Variants in SLC25A5 observed in about 807,000 individuals in gnomAD.
The protein encoded by SLC25A5 is solute carrier family 25 member 5.
In SLC25A5, 4 loss-of-function variants were observed where a neutral mutation model predicts 16.5. The observed-to-expected ratio is 0.24, with a 90% CI of 0.12 to 0.56. The LOEUF is 0.56. SLC25A5 is among the 20% of genes least tolerant of loss of function. The pLI is 0.93. For missense variants in SLC25A5, 88 were observed against 248.0 expected (o/e 0.35, Z 4.33); for synonymous variants, 60 against 95.2 (o/e 0.63, Z 2.15).
intron 2 of SLC25A5, 43 bp downstream of exon 2, chrX:119,470,190 G>A: frequency 3.5e-6 from 4 of 1,157,626 alleles, no homozygotes; most frequent in Non-Finnish European, 4.6e-6. Context: ...TTAGGAGACA[G>A]TTTAAAAGAG....
At chrX:119,470,245 T>C in intron 2 of SLC25A5, 98 bp downstream of exon 2, 1 of 1,126,771 alleles carries the variant, frequency 8.9e-7, no homozygotes, top group South Asian at 2.1e-5. Flanking sequence ...GTTGTTTTTT[T>C]AATTGCTAAA....
chrX:119,471,055 A>C lies in SLC25A5; in HGVS notation c.894A>C (p.Thr298=), dbSNP rs138394896. 2.7e-4 allele frequency: 331 copies of C among 1,206,301 alleles called. 1 individual carries two copies. The African/African-American group carries it at 4.3e-3, about 16-fold the overall frequency. Residue 298 remains threonine (T), a synonymous_variant, in exon 4 of 4, where the codon ACA becomes ACC. Transcript: ENST00000317881. The part of the protein sequence containing the change: ...LVLYDEIKKY[T] ...TGTATGATGAAATCAAGAAGTACAC[A>C]TAAGTTATTTCCTAGGATTTTTCCC...
intron 1 of SLC25A5, 76 bp from the exon 2 acceptor site, chrX:119,469,585 C>T: frequency 9.2e-7 from 1 of 1,086,698 alleles, no homozygotes; most frequent in Non-Finnish European, 1.2e-6. Flanking sequence ...GGGCATTGAT[C>T]GAGATGGCAT....
At position 119,470,882 on chromosome X, in the gene SLC25A5, A is replaced by C; in HGVS notation, c.740-19A>C. ...TCATCGGCCTTCAGTCACTAACTCCATGTCTTTATTCTTTGCAGCTGACAT... is the reference window on the plus strand; with the variant it reads ...TCATCGGCCTTCAGTCACTAACTCCCTGTCTTTATTCTTTGCAGCTGACAT... On this transcript the variant is annotated intron_variant, in intron 3 of 3. Transcript: ENST00000317881. 1 of 1,198,443 alleles carries C rather than the reference A, an allele frequency of 8.3e-7. No individual in the cohort carries two copies. Among genetic ancestry groups the C allele is most frequent in the Non-Finnish European group, 1.1e-6 (1 of 888,995 alleles).
intron 1 of SLC25A5, 135 bp downstream of exon 1, chrX:119,468,761 G>A (rs955780186): frequency 1.9e-6 from 1 of 527,972 alleles, no homozygotes; most frequent in African/African-American, 2.3e-5. Flanking sequence ...CCAGAGCGGG[G>A]CGCAGAGGCA....
chrX:119,470,790 G>T, intron 3 of SLC25A5, 111 bp from the exon 4 acceptor site: 1 of 859,371 alleles, frequency 1.2e-6, no homozygotes, highest in South Asian at 2.6e-5. Context: ...TGTGAATGTT[G>T]GATTTAAAGC....
intron 1 of SLC25A5, chrX:119,468,930 T>G: frequency 1.4e-5 from 4 of 293,265 alleles, no homozygotes; most frequent in Non-Finnish European, 2.4e-5. Context: ...GGCCTGGGCG[T>G]CAAGGGCGAA....
Position 119,470,117 on chromosome X carries a change from G to T in SLC25A5, c.568G>T (p.Ala190Ser), listed in dbSNP as rs780023492. The T allele has an allele frequency of 2.5e-6, 3 of 1,204,580 alleles. No individual in the cohort carries two copies. Among genetic ancestry groups the T allele is most frequent in the Non-Finnish European group, 3.4e-6 (3 of 891,781 alleles). The change falls in exon 2 of 4, where the codon GCC (alanine) becomes TCC (serine). Residue 190 changes from alanine (A) to serine (S), a missense_variant. Ala to Ser is a moderately conservative substitution (Grantham distance 99). Transcript: ENST00000317881. The stretch of plus-strand genomic sequence containing the variant: ...GCAGGGTATTATCATCTACCGAGCC[G>T]CCTACTTCGGTATCTATGACACTGC... Reference protein sequence around the residue: ...SVQGIIIYRAAYFGIYDTAKG... With the variant: ...SVQGIIIYRASYFGIYDTAKG...
chrX:119,469,642 C>T lies in SLC25A5; in HGVS notation c.112-19C>T, dbSNP rs773327441. ...CCATGGTTATAACTGTCCCTGTTGG[C>T]TTCCTTCCTGTCTGTTAGGTGCAGC... is the stretch of plus-strand genomic sequence containing the variant. On this transcript the variant is annotated intron_variant, in intron 1 of 3. Transcript: ENST00000317881. The T allele has an allele frequency of 7.1e-5, 72 of 1,018,667 alleles. No individual in the cohort carries two copies. In the South Asian group the frequency reaches 1.9e-3, roughly 27 times the overall value. The allele number at this position is 1,018,667 out of a possible 1,213,427, so 83.9% of individuals were successfully genotyped here. A position where few individuals can be genotyped will look rare whatever the true frequency, so the allele number is the denominator to read the frequency against.
chrX:119,468,934 G>A (rs191125892), intron 1 of SLC25A5: 66 of 286,604 alleles, frequency 2.3e-4, no homozygotes, highest in African/African-American at 1.5e-3. Flanking sequence ...TGGGCGTCAA[G>A]GGCGAAGGCC....
At chrX:119,469,288 G>T (rs995880939) in intron 1 of SLC25A5, 3 of 124,892 alleles carry the variant, frequency 2.4e-5, no homozygotes, top group Admixed American at 2.4e-4. Flanking sequence ...GAGCGAGACG[G>T]AAGCAGCTCA....
intron 3 of SLC25A5, 119 bp downstream of exon 3, chrX:119,470,632 ATC>A: frequency 2.2e-6 from 2 of 906,333 alleles, no homozygotes; most frequent in Non-Finnish European, 3.1e-6. Flanking sequence ...GGTTGATAGC[ATC>A]TGTGTCTGTT....
chrX:119,468,921 G>A, intron 1 of SLC25A5: 3 of 311,136 alleles, frequency 9.6e-6, no homozygotes, highest in East Asian at 1.1e-4. Context: ...GCCTCCCCGG[G>A]CCTGGGCGTC....
At chrX:119,469,415 C>T (rs2052811925) in intron 1 of SLC25A5, 2 of 350,413 alleles carry the variant, frequency 5.7e-6, no homozygotes, top group South Asian at 6.1e-5. Context: ...CTGAAGGTCA[C>T]GGGTCCGCTG....
At chrX:119,470,621 G>T (rs754545685) in intron 3 of SLC25A5, 108 bp downstream of exon 3, 9 of 949,786 alleles carry the variant, frequency 9.5e-6, no homozygotes, top group Non-Finnish European at 1.3e-5. Flanking sequence ...TCAAGGGATG[G>T]GGTTGATAGC....
Position 119,470,925 on chromosome X carries a change from T to C in SLC25A5, c.764T>C (p.Leu255Pro). The change falls in exon 4 of 4, where the codon CTT becomes CCT. Residue 255 changes from leucine (L) to proline (P), a missense_variant. Transcript: ENST00000317881. ...GCTGACATCATGTACACAGGCACGC[T>C]TGACTGCTGGCGGAAGATTGCTCGT... ...KGTDIMYTGT[L>P]DCWRKIARDE... 1 of 1,212,037 alleles carries C rather than the reference T, an allele frequency of 8.3e-7. No individual in the cohort carries two copies. The highest frequency in any genetic ancestry group is 1.1e-6 in the Non-Finnish European group (1 of 895,277).
chrX:119,468,472 C>G lies in SLC25A5; in HGVS notation c.-44C>G, dbSNP rs776683368. On this transcript the variant is annotated 5_prime_UTR_variant, in exon 1 of 4. Transcript: ENST00000317881. ...CGCAGCGCCGGAGTCAAAGCCGGTT[C>G]CCGGCCCAGTCCCGTCCTGCAGCAG... 3.6e-6 allele frequency: 4 copies of G among 1,120,625 alleles called. No homozygotes were observed. Among genetic ancestry groups the G allele is most frequent in the South Asian group, 3.8e-5 (2 of 53,322 alleles). The allele number at this position is 1,120,625 out of a possible 1,213,427, so 92.4% of individuals were successfully genotyped here.
At chrX:119,469,518 G>A in intron 1 of SLC25A5, 143 bp from the exon 2 acceptor site, 1 of 680,157 alleles carries the variant, frequency 1.5e-6, no homozygotes, top group Non-Finnish European at 2.2e-6. Flanking sequence ...GGGTTGGGAG[G>A]GTCCAGCCAG....
At chrX:119,468,967 A>G (rs1322140369) in intron 1 of SLC25A5, 10 of 228,614 alleles carry the variant, frequency 4.4e-5, no homozygotes, top group South Asian at 1.9e-4. Context: ...TAGAAAGAGG[A>G]ACGCCAGTTC....
Sources: allele counts gnomAD v4.1 joint callset, GRCh38; gene constraint gnomAD v4.1.1; transcripts MANE v1.5; gene names NCBI Gene and HGNC (gene_info 2026-07-23, HGNC 2026-07-21).